The following LIG1 variants were observed in gnomAD, a reference collection of about 807,000 sequenced individuals.
The protein encoded by LIG1 is DNA ligase 1, also known as ligase I, DNA, ATP-dependent.
In LIG1, 70 loss-of-function variants were observed where a neutral mutation model predicts 115.7. That is an observed-to-expected ratio of 0.60 (90% CI 0.50 to 0.74). LIG1 has a LOEUF of 0.74. Among genes scored for constraint, LIG1 ranks in the 30% least tolerant of loss-of-function variants. The pLI is 0.00. For missense variants in LIG1, 1,115 were observed against 1,225.6 expected (o/e 0.91, Z 1.35); for synonymous variants, 487 against 495.3 (o/e 0.98, Z 0.22).
chr19:48,135,124 G>C, intron 16 of LIG1, among the ~76,000 whole-genome samples: 2 of 152,244 alleles, frequency 1.3e-5, no homozygotes, highest in East Asian at 1.9e-4. Context: ...TCATGTTGCC[G>C]GCTGCCCTCC....
Position 48,157,131 on chromosome 19 carries a change from G to A in LIG1, c.253C>T (p.Leu85=), listed in dbSNP as rs1403925879. Residue 85 remains leucine, a synonymous_variant, in exon 5 of 28, where the codon CTG becomes TTG. Coordinates refer to ENST00000263274, the MANE Select transcript of LIG1 (RefSeq NM_000234.3). The part of the protein sequence containing the change: ...LSPAKGQKPA[L]DCSQVSPPRP... ...GGCGGGGAGACCTGTGAGCAGTCCA[G>A]GGCAGGCTTCTGGAAGAGGAAAGAA... 2.5e-6 allele frequency: 4 copies of A among 1,610,954 alleles called. No homozygotes were observed. The highest frequency in any genetic ancestry group is 3.4e-6 in the Non-Finnish European group (4 of 1,178,504).
rs71334267 is a variant in LIG1, at chr19:48,119,529, CTTT to C, written c.2386-342_2386-340del. On this transcript the variant is annotated intron_variant, in intron 24 of 27. Transcript: ENST00000263274. ...GTAACTGGCTGTCCTCACTTCCAGT[CTTT>C]TTTTTTTTTTTTTTTTTTTTTTTTG... Among the ~76,000 whole-genome samples the C allele has an allele frequency of 6.7e-3, 455 of 67,926 alleles. 2 individuals carry two copies. Among genetic ancestry groups the C allele is most frequent in the African/African-American group, 0.025 (374 of 14,752 alleles). The allele number at this position is 67,926 out of a possible 152,430, so 44.6% of individuals were successfully genotyped here. A position where few individuals can be genotyped will look rare whatever the true frequency, so the allele number is the denominator to read the frequency against.
At chr19:48,123,807 G>C (rs2033471786) in intron 21 of LIG1, among the ~76,000 whole-genome samples, 1 of 151,522 alleles carries the variant, frequency 6.6e-6, no homozygotes, top group Admixed American at 6.6e-5. Flanking sequence ...CAAAGTGTTG[G>C]GATTACAGGC....
At chr19:48,117,015 G>T (rs2032886689) in intron 26 of LIG1, among the ~76,000 whole-genome samples, 1 of 152,034 alleles carries the variant, frequency 6.6e-6, no homozygotes, top group African/African-American at 2.4e-5. Flanking sequence ...CTATTTTTTG[G>T]TAGAGGTGGG....
Position 48,128,000 on chromosome 19 carries a change from T to A in LIG1, c.1842A>T (p.Thr614=). Residue 614 remains threonine (T), a synonymous_variant, in exon 20 of 28, where the codon ACA becomes ACT. Coordinates refer to ENST00000263274, the MANE Select transcript of LIG1 (RefSeq NM_000234.3). ...RIPKIKLPSV[T]SFILDTEAVA... ...CGGCTTCGGTGTCCAGGATGAAGGATGTGACCGATGGGAGTTTAATCTGAA... is the reference window on the plus strand; with the variant it reads ...CGGCTTCGGTGTCCAGGATGAAGGAAGTGACCGATGGGAGTTTAATCTGAA... 1 of 1,614,104 alleles carries A rather than the reference T, an allele frequency of 6.2e-7. No homozygotes were observed.
At chr19:48,127,476 G>A (rs879907279) in intron 20 of LIG1, 128 bp from the exon 21 acceptor site, 18 of 845,328 alleles carry the variant, frequency 2.1e-5, no homozygotes, top group Non-Finnish European at 3.0e-5. Flanking sequence ...CTGTGAGGGC[G>A]GCCATGCTGC....
At chr19:48,167,840 A>C (rs12463259) in intron 1 of LIG1, among the ~76,000 whole-genome samples, 77,325 of 148,754 alleles carry the variant, frequency 0.52, 20,368 homozygotes, top group East Asian at 0.67. Flanking sequence ...AAAAAAAAAA[A>C]AAAAAAAAAA....
At chr19:48,119,061 C>T (rs746514195) in intron 25 of LIG1, 76 bp downstream of exon 25, 5 of 1,216,204 alleles carry the variant, frequency 4.1e-6, no homozygotes, top group Non-Finnish European at 5.9e-6. Context: ...AAGCCAAGAG[C>T]CCTGCATGGA....
At chr19:48,161,043 C>A (rs759418649) in intron 4 of LIG1, 3 of 383,452 alleles carry the variant, frequency 7.8e-6, no homozygotes, top group Non-Finnish European at 1.0e-5. Flanking sequence ...GGCCTTGAGC[C>A]CTTGTTTTAC....
At chr19:48,143,786 G>C in intron 10 of LIG1, 97 bp downstream of exon 10, 1 of 1,187,282 alleles carries the variant, frequency 8.4e-7, no homozygotes, top group South Asian at 1.2e-5. Flanking sequence ...ACAGGAGGGA[G>C]AGACTTGACC....
chr19:48,131,830 A>G (rs1268148050), intron 18 of LIG1, among the ~76,000 whole-genome samples: 1 of 152,138 alleles, frequency 6.6e-6, no homozygotes, highest in Non-Finnish European at 1.5e-5. Flanking sequence ...ATTTCCAGGA[A>G]CAGTTGTCAA....
intron 6 of LIG1, 60 bp downstream of exon 6, chr19:48,153,812 T>A: frequency 4.7e-6 from 1 of 213,066 alleles, no homozygotes; most frequent in Non-Finnish European, 7.7e-6. Flanking sequence ...TCCTCCTTCC[T>A]CTTGGCTTCA....
intron 6 of LIG1, 145 bp downstream of exon 6, chr19:48,153,727 T>C (rs538778432): frequency 1.9e-6 from 1 of 525,216 alleles, no homozygotes; most frequent in Non-Finnish European, 3.2e-6. Context: ...TCCTCCTCCT[T>C]CCTCTTGGCT....
At chr19:48,144,077 G>A (rs760972199) in intron 9 of LIG1, 114 bp from the exon 10 acceptor site, 94 of 913,086 alleles carry the variant, frequency 1.0e-4, no homozygotes, top group Admixed American at 4.1e-4. Flanking sequence ...AGAGCTGGAT[G>A]AAAACAAAGT....
At chr19:48,139,374 C>A (rs1755202245) in intron 12 of LIG1, among the ~76,000 whole-genome samples, 1 of 152,204 alleles carries the variant, frequency 6.6e-6, no homozygotes, top group African/African-American at 2.4e-5. Flanking sequence ...CCACTGTCTG[C>A]CAGATCTCTC....
intron 11 of LIG1, 21 bp downstream of exon 11, chr19:48,143,522 C>T: frequency 7.8e-6 from 5 of 642,244 alleles, no homozygotes; most frequent in Non-Finnish European, 1.4e-5. Context: ...GCCCCCCACC[C>T]AGGCAGTCCT....
chr19:48,116,483 C>T (rs994537691), intron 26 of LIG1, among the ~76,000 whole-genome samples: 7 of 151,522 alleles, frequency 4.6e-5, no homozygotes, highest in African/African-American at 1.5e-4. Context: ...CTGCTACAGC[C>T]GTTACGATAA....
chr19:48,154,132 C>G (rs1438283369), intron 5 of LIG1, 165 bp from the exon 6 acceptor site: 1 of 685,236 alleles, frequency 1.5e-6, no homozygotes, highest in African/African-American at 1.8e-5. Context: ...TTCAATCCCT[C>G]CTGCTTCCTG....
At chr19:48,136,508 G>A (rs2034401044) in intron 14 of LIG1, among the ~76,000 whole-genome samples, 1 of 152,182 alleles carries the variant, frequency 6.6e-6, no homozygotes, top group African/African-American at 2.4e-5. Flanking sequence ...GCCAGTGGCA[G>A]GAGACAAGTG....
Sources: allele counts gnomAD v4.1 joint callset (sites outside exome capture counted in the v4.1 genomes callset), GRCh38; gene constraint gnomAD v4.1.1; transcripts MANE v1.5; gene names NCBI Gene and HGNC (gene_info 2026-07-23, HGNC 2026-07-21).